The following NID2 variants were observed in gnomAD, a reference collection of about 807,000 sequenced individuals.
The protein encoded by NID2 is nidogen-2.
In NID2, 83 loss-of-function variants were observed where a neutral mutation model predicts 145.4. The observed-to-expected ratio is 0.57, with a 90% confidence interval of 0.48 to 0.69. NID2 has a LOEUF of 0.69. Ranked by LOEUF, NID2 falls within the 30% of genes least tolerant of loss-of-function variation. NID2 has a pLI of 0.00. For synonymous variants in NID2, 739 were observed against 701.3 expected (o/e 1.05, Z -0.85); for missense variants, 1,807 against 1,765.7 (o/e 1.02, Z -0.42).
chr14:52,015,206 G>C lies in NID2; in HGVS notation c.3098C>G (p.Thr1033Ser). ...RENLLEHYGG[T>S]PRDDQYVPQC... is the part of the protein sequence containing the mutation. ...GGGCACGTACTGGTCATCCCGGGGGGTGCCACCGTAGTGCTCCAGCAGGTT... is the reference window on the plus strand; with the variant it reads ...GGGCACGTACTGGTCATCCCGGGGGCTGCCACCGTAGTGCTCCAGCAGGTT... The change falls in exon 15 of 22, where the codon ACC (threonine) becomes AGC (serine). Residue 1033 changes from threonine (T) to serine (S), a missense_variant. By Grantham distance (58) the Thr-to-Ser change is moderately conservative. Coordinates refer to ENST00000216286, the MANE Select transcript of NID2 (RefSeq NM_007361.4). 6.2e-7 allele frequency: 1 copy of C among 1,613,686 alleles called. No homozygotes were observed. Among genetic ancestry groups the C allele is most frequent in the Non-Finnish European group, 8.5e-7 (1 of 1,179,912 alleles).
intron 12 of NID2, 26 bp from the exon 13 acceptor site, chr14:52,020,204 G>A (rs757254939): frequency 9.5e-5 from 153 of 1,612,158 alleles, no homozygotes; most frequent in Non-Finnish European, 3.4e-6. Flanking sequence ...ACAGAAGAAA[G>A]AAGCAAAGAA....
intron 2 of NID2, among the ~76,000 whole-genome samples, chr14:52,062,279 C>T (rs2140433710): frequency 6.6e-6 from 1 of 152,258 alleles, no homozygotes; most frequent in South Asian, 2.1e-4. Flanking sequence ...TTGCTTTTTT[C>T]ATTCATTCAA....
intron 12 of NID2, among the ~76,000 whole-genome samples, chr14:52,021,222 GA>G (rs35210822): frequency 0.71 from 106,642 of 150,778 alleles, 37,692 homozygotes; most frequent in South Asian, 0.87. Context: ...TGTGTGAATA[GA>G]AAAAAAAAAA....
chr14:52,026,976 C>T (rs548195712), intron 12 of NID2, among the ~76,000 whole-genome samples: 21 of 152,340 alleles, frequency 1.4e-4, no homozygotes, highest in African/African-American at 5.1e-4. Context: ...GCTACAGGAA[C>T]GTCTCCGCCA....
In NID2 at chr14:52,054,233, C is replaced by T; in HGVS notation, c.856G>A (p.Asp286Asn). 1 of 1,614,160 alleles carries T rather than the reference C, an allele frequency of 6.2e-7. No homozygotes were observed. Among genetic ancestry groups the T allele is most frequent in the Non-Finnish European group, 8.5e-7 (1 of 1,180,018 alleles). Reference sequence around the variant, plus strand: ...ACAGAAGAGTGGGCAGCGGAAAGGTCTCCAACTGCAGCTGGCCTGACATTG... The same window carrying T: ...ACAGAAGAGTGGGCAGCGGAAAGGTTTCCAACTGCAGCTGGCCTGACATTG... ...LDNVRPAAVGDLSAAHSSVPL... is the reference protein window; with the variant it reads ...LDNVRPAAVGNLSAAHSSVPL... Residue 286 changes from aspartate to asparagine, a missense_variant, in exon 4 of 22, where the codon GAC (aspartate) becomes AAC (asparagine). Physicochemically the swap from Asp to Asn is conservative, Grantham distance 23. Coordinates refer to ENST00000216286, the MANE Select transcript of NID2 (RefSeq NM_007361.4).
At chr14:52,042,663 T>C (rs1892327396) in intron 6 of NID2, 119 bp downstream of exon 6, 10 of 1,048,242 alleles carry the variant, frequency 9.5e-6, no homozygotes, top group South Asian at 6.3e-5. Flanking sequence ...TGCAAGTTGA[T>C]AGCACTCTGA....
intron 5 of NID2, among the ~76,000 whole-genome samples, chr14:52,051,533 C>T (rs913975312): frequency 7.9e-5 from 12 of 152,114 alleles, no homozygotes; most frequent in Admixed American, 3.3e-4. Flanking sequence ...TACTTAGTAC[C>T]GGACAATGTT....
chr14:52,020,020 A>G, intron 13 of NID2, 39 bp downstream of exon 13: 1 of 1,610,250 alleles, frequency 6.2e-7, no homozygotes, highest in Non-Finnish European at 8.5e-7. Flanking sequence ...TGAAGGAGCT[A>G]AGAGATTCAT....
At chr14:52,048,945 C>T (rs2140414869) in intron 5 of NID2, among the ~76,000 whole-genome samples, 1 of 152,200 alleles carries the variant, frequency 6.6e-6, no homozygotes, top group East Asian at 1.9e-4. Flanking sequence ...GATGAGTGCC[C>T]ACACTTTGAG....
chr14:52,049,786 C>T (rs1892627768), intron 5 of NID2, among the ~76,000 whole-genome samples: 1 of 152,142 alleles, frequency 6.6e-6, no homozygotes, highest in Non-Finnish European at 1.5e-5. Context: ...TGGCCTTTTA[C>T]AACTGCTGGC....
intron 16 of NID2, among the ~76,000 whole-genome samples, chr14:52,013,033 A>C (rs1019372993): frequency 2.0e-5 from 3 of 152,240 alleles, no homozygotes; most frequent in Admixed American, 1.3e-4. Context: ...CTACACTTTT[A>C]TTTGAAAATT....
chr14:52,030,544 G>GAA (rs1169090056), intron 9 of NID2, among the ~76,000 whole-genome samples: 2 of 47,166 alleles, frequency 4.2e-5, no homozygotes, highest in African/African-American at 1.5e-4. Context: ...AAGAAAGAAA[G>GAA]AAAGAAAGAA....
chr14:52,005,211 T>TTC lies in NID2; in HGVS notation c.*274_*275insGA, dbSNP rs1890715781. On this transcript the variant is annotated 3_prime_UTR_variant, in exon 22 of 22. Coordinates refer to ENST00000216286, the MANE Select transcript of NID2 (RefSeq NM_007361.4). Reference sequence around the variant, plus strand: ...AATTTGATCTTTTAAATATTAATGATAAATGTTTACAAGAAGTTGCTTTAA... The same window carrying TTC: ...AATTTGATCTTTTAAATATTAATGATTCAAATGTTTACAAGAAGTTGCTTTAA... 6.1e-6 allele frequency: 2 copies of TTC among 329,778 alleles called. No homozygotes were observed. The highest frequency in any genetic ancestry group is 1.1e-5 in the Non-Finnish European group (2 of 182,290). 20.4% of individuals were successfully genotyped at this position (329,778 alleles called of 1,614,324 possible).
chr14:52,030,584 A>ACG lies in NID2; in HGVS notation c.2258-895_2258-894insCG, dbSNP rs752845785. On this transcript the variant is annotated intron_variant, in intron 9 of 21. Transcript: ENST00000216286. ...AGAAAGAAAGGAAGGAAGGGAAAGAAAGAAAGAAAGAAAGAAAGAAAGAGA... is the reference window on the plus strand; with the variant it reads ...AGAAAGAAAGGAAGGAAGGGAAAGAACGAGAAAGAAAGAAAGAAAGAAAGAGA... Among the ~76,000 whole-genome samples, 166 of 33,040 alleles carry ACG rather than the reference A, an allele frequency of 5.0e-3. 3 individuals carry two copies. The highest frequency in any genetic ancestry group is 0.02 in the Middle Eastern group (1 of 50). 21.7% of individuals were successfully genotyped at this position (33,040 alleles called of 152,430 possible).
intron 21 of NID2, 117 bp downstream of exon 21, chr14:52,005,620 C>T: frequency 7.0e-7 from 1 of 1,424,346 alleles, no homozygotes; most frequent in Non-Finnish European, 9.9e-7. Context: ...GACTGGCCCT[C>T]AGGGCAGGAA....
In NID2 at chr14:52,010,651, C is replaced by A. The variant is rs548297576; in HGVS notation, c.3722+225G>T. 66 of 486,088 alleles carry A rather than the reference C, an allele frequency of 1.4e-4. No homozygotes were observed. The South Asian group carries it at 2.0e-3, about 15-fold the overall frequency. The allele number at this position is 486,088 out of a possible 1,614,324, so 30.1% of individuals were successfully genotyped here. ...ACATCACAGACTAATATTGTTTATA[C>A]CAGTCTTGTTTCCTCCTAATAAAAT... On this transcript the variant is annotated intron_variant, in intron 18 of 21. Transcript: ENST00000216286.
intron 12 of NID2, among the ~76,000 whole-genome samples, chr14:52,021,634 C>A (rs889388233): frequency 1.3e-5 from 2 of 152,176 alleles, no homozygotes; most frequent in Non-Finnish European, 2.9e-5. Context: ...TATATCAGTT[C>A]CTAGGAGTCC....
At chr14:52,057,958 G>A (rs1892910431) in intron 3 of NID2, among the ~76,000 whole-genome samples, 1 of 152,144 alleles carries the variant, frequency 6.6e-6, no homozygotes, top group Non-Finnish European at 1.5e-5. Flanking sequence ...TCCAAAATCA[G>A]AAAGGAAAAG....
At chr14:52,051,835 T>G (rs1892691755) in intron 5 of NID2, among the ~76,000 whole-genome samples, 2 of 152,318 alleles carry the variant, frequency 1.3e-5, no homozygotes, top group Admixed American at 6.5e-5. Context: ...TATAGTAGAC[T>G]GCATCCGGCA....
Sources: allele counts gnomAD v4.1 joint callset (sites outside exome capture counted in the v4.1 genomes callset), GRCh38; gene constraint gnomAD v4.1.1; transcripts MANE v1.5; gene names NCBI Gene and HGNC (gene_info 2026-07-23, HGNC 2026-07-21).